The following CLYBL variants were observed in gnomAD, a reference collection of about 807,000 sequenced individuals.
CLYBL encodes the protein citramalyl-CoA lyase.
A neutral mutation model predicts 38.9 loss-of-function variants in CLYBL; 31 were observed. The ratio of observed to expected loss-of-function variants is 0.80; its 90% CI spans 0.60 to 1.08. The LOEUF is 1.08. CLYBL is among the 50% of genes least tolerant of loss of function. The pLI is 0.00. For missense variants in CLYBL, 434 were observed against 411.6 expected, an observed-to-expected ratio of 1.05 and a Z score of -0.47; for synonymous variants, 171 against 158.6, an observed-to-expected ratio of 1.08 and a Z score of -0.59.
chr13:99,896,414 C>T (rs1168180130), downstream of CLYBL: 2 of 152,150 alleles, frequency 1.3e-5, no homozygotes, highest in Non-Finnish European at 2.9e-5. Flanking sequence ...GCGCGCAGGC[C>T]GGACACCTGC....
At chr13:99,751,851 G>A (rs551646614) in intron 1 of CLYBL, among the ~76,000 whole-genome samples, 1 of 152,196 alleles carries the variant, frequency 6.6e-6, no homozygotes, top group Non-Finnish European at 1.5e-5. Context: ...TACAAAAATA[G>A]TAGTGTTTCA....
chr13:99,620,794 A>T lies in CLYBL; in HGVS notation c.62+14037A>T, dbSNP rs1247324870. Among the ~76,000 whole-genome samples, 4 of 147,876 alleles carry T rather than the reference A, an allele frequency of 2.7e-5. No individual in the cohort carries two copies. The East Asian group carries it at 7.7e-4, about 29-fold the overall frequency. ...TGTCTCAAAAAAAGAAAGAAAGAAA[A>T]AGAGAGAGAGAGAAAGAGAGAGAGA... On this transcript the variant is annotated intron_variant, in intron 1 of 8. Transcript: ENST00000339105.
chr13:99,828,093 G>T (rs1413257210), intron 2 of CLYBL, among the ~76,000 whole-genome samples: 1 of 152,118 alleles, frequency 6.6e-6, no homozygotes, highest in African/African-American at 2.4e-5. Flanking sequence ...CACAATATAT[G>T]TATTTATTTT....
At chr13:99,684,763 C>A (rs1358198616) in intron 1 of CLYBL, among the ~76,000 whole-genome samples, 1 of 152,164 alleles carries the variant, frequency 6.6e-6, no homozygotes, top group Admixed American at 6.5e-5. Context: ...TGTTCCCAGG[C>A]CCATTTGTTT....
intron 1 of CLYBL, chr13:99,726,554 C>G (rs1161204381): frequency 6.6e-6 from 1 of 152,170 alleles, no homozygotes; most frequent in Non-Finnish European, 1.5e-5. Flanking sequence ...TCCATGGAGG[C>G]AGAGTGGTGT....
At chr13:99,754,351 A>G (rs74419501) in intron 1 of CLYBL, among the ~76,000 whole-genome samples, 2,230 of 133,576 alleles carry the variant, frequency 0.017, 44 homozygotes, top group African/African-American at 0.058. Flanking sequence ...AGGGAGGTGG[A>G]GGTTGCTGTG....
downstream of CLYBL, among the ~76,000 whole-genome samples, chr13:99,900,309 G>A (rs556606105): frequency 2.0e-3 from 299 of 152,116 alleles, 1 homozygote; most frequent in Middle Eastern, 0.01. Flanking sequence ...CAGAAAGGGC[G>A]GCACACTCCC....
intron 1 of CLYBL, among the ~76,000 whole-genome samples, chr13:99,732,955 A>T (rs1416832195): frequency 6.6e-6 from 1 of 152,244 alleles, no homozygotes; most frequent in Non-Finnish European, 1.5e-5. Context: ...TGCTTTACAA[A>T]TAATTATTAA....
chr13:99,758,452 C>G (rs938546206), intron 1 of CLYBL, among the ~76,000 whole-genome samples: 2 of 152,144 alleles, frequency 1.3e-5, no homozygotes, highest in African/African-American at 4.8e-5. Flanking sequence ...TATCTAGAGG[C>G]CCTAATTCCA....
intron 1 of CLYBL, among the ~76,000 whole-genome samples, chr13:99,611,167 T>TAG (rs2046620911): frequency 6.6e-6 from 1 of 152,250 alleles, no homozygotes; most frequent in African/African-American, 2.4e-5. Flanking sequence ...ATTGCTGTTC[T>TAG]TACTGAGATT....
chr13:99,766,594 T>C (rs1426045939), intron 1 of CLYBL, among the ~76,000 whole-genome samples: 1 of 152,168 alleles, frequency 6.6e-6, no homozygotes, highest in African/African-American at 2.4e-5. Flanking sequence ...TTGATGTGTA[T>C]GTCTTTGCAT....
chr13:99,871,889 T>C (rs2051910489), intron 7 of CLYBL, among the ~76,000 whole-genome samples: 2 of 152,120 alleles, frequency 1.3e-5, no homozygotes, highest in South Asian at 2.1e-4. Context: ...AGCCTGTGAC[T>C]TCCAGAAGGA....
chr13:99,903,376 A>G (rs888113900), intron 8 of CLYBL, among the ~76,000 whole-genome samples: 17 of 151,758 alleles, frequency 1.1e-4, no homozygotes, highest in Non-Finnish European at 2.2e-4. Flanking sequence ...ACTGGCACAC[A>G]CACACGCACG....
chr13:99,611,016 A>C (rs1850129074), intron 1 of CLYBL, among the ~76,000 whole-genome samples: 1 of 152,234 alleles, frequency 6.6e-6, no homozygotes, highest in Non-Finnish European at 1.5e-5. Context: ...GACAGGTCAA[A>C]TAGTGACATT....
chr13:99,620,794 AAGAGAGAGAG>A (rs386380428), intron 1 of CLYBL, among the ~76,000 whole-genome samples: 1 of 147,872 alleles, frequency 6.8e-6, no homozygotes. Flanking sequence ...AAGAAAGAAA[AAGAGAGAGAG>A]AGAAAGAGAG....
At chr13:99,764,408 A>G (rs1028079080) in intron 1 of CLYBL, among the ~76,000 whole-genome samples, 4 of 152,180 alleles carry the variant, frequency 2.6e-5, no homozygotes, top group African/African-American at 9.7e-5. Flanking sequence ...TTATGGCTTC[A>G]GTATCACTAC....
intron 1 of CLYBL, among the ~76,000 whole-genome samples, chr13:99,739,711 C>T (rs374443778): frequency 2.0e-5 from 3 of 152,204 alleles, no homozygotes; most frequent in African/African-American, 7.2e-5. Context: ...TGGTGGCTCA[C>T]GCCGGTAATC....
At chr13:99,679,868 A>T in intron 1 of CLYBL, among the ~76,000 whole-genome samples, 2 of 152,266 alleles carry the variant, frequency 1.3e-5, no homozygotes, top group East Asian at 3.9e-4. Context: ...TTCAAAGGAA[A>T]TGTTTGGCCA....
chr13:99,703,237 T>G (rs1363872006), intron 1 of CLYBL, among the ~76,000 whole-genome samples: 1 of 152,250 alleles, frequency 6.6e-6, no homozygotes, highest in Non-Finnish European at 1.5e-5. Context: ...GGCGATCAGT[T>G]GGGGCCACCA....
Sources: gnomAD v4.1 joint callset for allele counts (sites outside exome capture counted in the v4.1 genomes callset) on GRCh38, gnomAD v4.1.1 for gene constraint, MANE v1.5 for transcripts, NCBI Gene and HGNC (gene_info 2026-07-23, HGNC 2026-07-21) for gene names.